URI1: variants seen among roughly 807,000 people sequenced by gnomAD.
The protein encoded by URI1 is URI1 prefoldin like chaperone, also known as unconventional prefoldin RPB5 interactor 1.
URI1 carries 39 observed loss-of-function variants against 60.2 expected under a neutral mutation model. The observed-to-expected ratio is 0.65, with a 90% CI of 0.50 to 0.85. The LOEUF (loss-of-function observed/expected upper bound fraction) is 0.85. Ranked by LOEUF, URI1 falls within the 40% of genes least tolerant of loss-of-function variation. The pLI is 0.00. For missense variants in URI1, 691 were observed against 665.9 expected (o/e 1.04, Z -0.42); for synonymous variants, 251 against 236.8 (o/e 1.06, Z -0.55).
At chr19:29,963,577 C>T (rs2055353136) in intron 1 of URI1, among the ~76,000 whole-genome samples, 1 of 151,986 alleles carries the variant, frequency 6.6e-6, no homozygotes, top group African/African-American at 2.4e-5. Context: ...GTGTTTGGTT[C>T]TGTTTTATAT....
intron 1 of URI1, among the ~76,000 whole-genome samples, chr19:29,962,399 T>G (rs952603081): frequency 1.9e-5 from 2 of 106,916 alleles, no homozygotes; most frequent in Non-Finnish European, 3.5e-5. Context: ...GTATTTATAG[T>G]ATCTTTTTTT....
chr19:29,985,369 C>A, intron 3 of URI1, 68 bp downstream of exon 3: 1 of 1,345,702 alleles, frequency 7.4e-7, no homozygotes, highest in Non-Finnish European at 1.1e-6. Flanking sequence ...TGTGTCGGTT[C>A]ACAGAATGTC....
At position 29,944,215 on chromosome 19, in the gene URI1, T is replaced by A. The variant is rs146693353; in HGVS notation, c.117+1551T>A. On this transcript the variant is annotated intron_variant, in intron 1 of 10. Transcript: ENST00000392271. Reference sequence around the variant, plus strand: ...TATAAAACTTAACTAGTTTGGCGTCTTTAAATTAGAAGACATTAATGTATT... The same window carrying A: ...TATAAAACTTAACTAGTTTGGCGTCATTAAATTAGAAGACATTAATGTATT... Among the ~76,000 whole-genome samples the A allele has an allele frequency of 1.8e-3, 231 of 125,450 alleles. 8 individuals carry two copies. In the East Asian group the frequency reaches 0.051, roughly 28 times the overall value. The allele number at this position is 125,450 out of a possible 152,430, so 82.3% of individuals were successfully genotyped here. A position where few individuals can be genotyped will look rare whatever the true frequency, so the allele number is the denominator to read the frequency against.
At chr19:29,985,110 ACT>A (rs1244623053) in intron 2 of URI1, 111 bp from the exon 3 acceptor site, 1 of 912,826 alleles carries the variant, frequency 1.1e-6, no homozygotes, top group African/African-American at 2.2e-5. Context: ...ACGGAGCGAC[ACT>A]CTGTCTCAAA....
chr19:29,924,578 G>T (rs1599640715), intron 1 of URI1, among the ~76,000 whole-genome samples: 2 of 152,290 alleles, frequency 1.3e-5, no homozygotes, highest in East Asian at 3.9e-4. Context: ...CCCTCCGTCT[G>T]TCTCCCAGCT....
intron 2 of URI1, among the ~76,000 whole-genome samples, chr19:29,976,031 C>T (rs1297234182): frequency 6.6e-6 from 1 of 152,158 alleles, no homozygotes; most frequent in African/African-American, 2.4e-5. Context: ...CTAACAGTTC[C>T]TCTTTACCTC....
At chr19:29,926,356 T>C (rs961015920) in intron 1 of URI1, among the ~76,000 whole-genome samples, 3 of 151,932 alleles carry the variant, frequency 2.0e-5, no homozygotes, top group African/African-American at 7.3e-5. Flanking sequence ...TATAGCTTTT[T>C]GCAGCCTCAA....
intron 1 of URI1, among the ~76,000 whole-genome samples, chr19:29,961,409 A>ATT (rs1017890223): frequency 2.6e-4 from 40 of 152,058 alleles, no homozygotes; most frequent in Middle Eastern, 6.8e-3. Flanking sequence ...ATCATAGAGT[A>ATT]TTTGTCCTTT....
intron 2 of URI1, among the ~76,000 whole-genome samples, chr19:29,980,612 T>TAA (rs71333427): frequency 0.75 from 55,686 of 73,812 alleles, 23,654 homozygotes; most frequent in Non-Finnish European, 0.88. Flanking sequence ...TTTTTTTTCT[T>TAA]AAAAAAAAAA....
intron 1 of URI1, among the ~76,000 whole-genome samples, chr19:29,935,559 T>C (rs1432330882): frequency 6.6e-6 from 1 of 152,212 alleles, no homozygotes; most frequent in Non-Finnish European, 1.5e-5. Context: ...CATTTCAGCC[T>C]GATGGATTCA....
At chr19:29,943,199 C>G (rs1359565377) in intron 1 of URI1, among the ~76,000 whole-genome samples, 1 of 152,124 alleles carries the variant, frequency 6.6e-6, no homozygotes, top group East Asian at 1.9e-4. Flanking sequence ...CCCCCTCCTA[C>G]CCTTCCCCAC....
At chr19:29,933,764 G>A (rs760109514) in intron 1 of URI1, among the ~76,000 whole-genome samples, 1 of 151,462 alleles carries the variant, frequency 6.6e-6, no homozygotes, top group East Asian at 2.0e-4. Flanking sequence ...GGAGGTTGCA[G>A]TGAGCCGAGA....
chr19:29,933,531 C>T (rs542488025), intron 1 of URI1, among the ~76,000 whole-genome samples: 1 of 152,100 alleles, frequency 6.6e-6, no homozygotes, highest in Admixed American at 6.6e-5. Context: ...TTAAAAACAT[C>T]AACTTTTCAC....
At chr19:29,944,722 T>C (rs2055082116) in intron 1 of URI1, among the ~76,000 whole-genome samples, 1 of 152,214 alleles carries the variant, frequency 6.6e-6, no homozygotes, top group East Asian at 1.9e-4. Flanking sequence ...ATATCTGTCA[T>C]GGGTGTGTAA....
rs772746707 is a variant in URI1, at chr19:30,012,727, ACTTGT to A, written c.1425+200_1425+204del. 1.6e-5 allele frequency: 10 copies of A among 621,454 alleles called. No individual in the cohort carries two copies. The East Asian group carries it at 2.1e-4, about 13-fold the overall frequency. 38.5% of individuals were successfully genotyped at this position (621,454 alleles called of 1,614,324 possible). A position where few individuals can be genotyped will look rare whatever the true frequency, so the allele number is the denominator to read the frequency against. On this transcript the variant is annotated intron_variant, in intron 10 of 10. Transcript: ENST00000392271. Reference sequence around the variant, plus strand: ...TAGTTTATTTTTTGATAAACACATTACTTGTCTTAACGTTCTATTTCAGCAAAATG... The same window carrying A: ...TAGTTTATTTTTTGATAAACACATTACTTAACGTTCTATTTCAGCAAAATG...
intron 1 of URI1, among the ~76,000 whole-genome samples, chr19:29,954,511 CTT>C (rs11411965): frequency 2.6e-5 from 3 of 115,898 alleles, no homozygotes; most frequent in African/African-American, 6.7e-5. Flanking sequence ...TACAGATAAA[CTT>C]TTTTTTTTTT....
At chr19:29,948,814 C>T (rs964950190) in intron 1 of URI1, among the ~76,000 whole-genome samples, 1 of 152,186 alleles carries the variant, frequency 6.6e-6, no homozygotes, top group Non-Finnish European at 1.5e-5. Flanking sequence ...TCGACAAAAC[C>T]GCCATCGTCA....
intron 2 of URI1, among the ~76,000 whole-genome samples, chr19:29,983,530 A>T (rs949045620): frequency 6.6e-6 from 1 of 152,122 alleles, no homozygotes. Flanking sequence ...GTTTATCCTG[A>T]TTTCAATTTG....
intron 1 of URI1, 120 bp from the exon 2 acceptor site, chr19:29,971,073 A>C: frequency 1.1e-6 from 1 of 921,802 alleles, no homozygotes; most frequent in Non-Finnish European, 1.7e-6. Flanking sequence ...ACAAATAAAA[A>C]TGTATACTGA....
Sources: gnomAD v4.1 joint callset for allele counts (sites outside exome capture counted in the v4.1 genomes callset) on GRCh38, gnomAD v4.1.1 for gene constraint, MANE v1.5 for transcripts, NCBI Gene and HGNC (gene_info 2026-07-23, HGNC 2026-07-21) for gene names.